Variants in PTPRD observed in about 807,000 individuals in gnomAD.
PTPRD encodes the protein receptor-type tyrosine-protein phosphatase delta.
A neutral mutation model predicts 214.5 loss-of-function variants in PTPRD; 34 were observed. That is an observed-to-expected ratio of 0.16 (90% CI 0.12 to 0.21). PTPRD has a LOEUF of 0.21. PTPRD is among the 10% of genes least tolerant of loss of function. The pLI, the probability that PTPRD is intolerant of heterozygous loss-of-function variation, is 1.00. For synonymous variants in PTPRD, 1,128 were observed against 845.7 expected (o/e 1.33, Z -5.79); for missense variants, 2,545 against 2,398.7 (o/e 1.06, Z -1.27).
At chr9:9,206,006 T>G (rs12685122) in intron 9 of PTPRD, among the ~76,000 whole-genome samples, 29,707 of 152,144 alleles carry the variant, frequency 0.2, 2,977 homozygotes, top group East Asian at 0.34. Context: ...AAGGCTTAAG[T>G]GACATAATTG....
chr9:10,150,977 C>T (rs2099056684), intron 3 of PTPRD, among the ~76,000 whole-genome samples: 1 of 151,544 alleles, frequency 6.6e-6, no homozygotes, highest in South Asian at 2.1e-4. Flanking sequence ...ATCAATACTG[C>T]ATTGTATGAG....
At chr9:9,542,621 AAACACAAATGACCCAATTAAATCT>A (rs2077864025) in intron 8 of PTPRD, among the ~76,000 whole-genome samples, 1 of 151,760 alleles carries the variant, frequency 6.6e-6, no homozygotes, top group Admixed American at 6.6e-5. Flanking sequence ...TCAATAATAT[AAACACAAATGACCCAATTAAATCT>A]GAGAGAAAAA....
At chr9:10,038,271 A>G (rs892163488) in intron 3 of PTPRD, among the ~76,000 whole-genome samples, 1 of 152,086 alleles carries the variant, frequency 6.6e-6, no homozygotes, top group African/African-American at 2.4e-5. Flanking sequence ...ATTCTACAAC[A>G]TCTCTCATGA....
At chr9:10,302,088 C>T (rs1265281187) in intron 3 of PTPRD, among the ~76,000 whole-genome samples, 1 of 152,196 alleles carries the variant, frequency 6.6e-6, no homozygotes, top group Non-Finnish European at 1.5e-5. Flanking sequence ...AGAAACCCTA[C>T]AAGCCAGAAG....
At chr9:9,040,529 A>T (rs1197077041) in intron 10 of PTPRD, among the ~76,000 whole-genome samples, 1 of 152,202 alleles carries the variant, frequency 6.6e-6, no homozygotes, top group Non-Finnish European at 1.5e-5. Flanking sequence ...TCTTGCATAG[A>T]GAAATTGGTG....
At chr9:9,833,744 C>G (rs2055809326) in intron 5 of PTPRD, among the ~76,000 whole-genome samples, 1 of 151,078 alleles carries the variant, frequency 6.6e-6, no homozygotes, top group Non-Finnish European at 1.5e-5. Flanking sequence ...ACGTTCCATG[C>G]TGAGAAAAAG....
intron 11 of PTPRD, among the ~76,000 whole-genome samples, chr9:8,805,691 C>A (rs1415669470): frequency 1.3e-5 from 2 of 151,326 alleles, no homozygotes; most frequent in African/African-American, 4.8e-5. Flanking sequence ...CAACCTCCAC[C>A]CCCTGGGTTC....
At chr9:10,429,667 T>C (rs974759826) in intron 2 of PTPRD, among the ~76,000 whole-genome samples, 2 of 150,966 alleles carry the variant, frequency 1.3e-5, no homozygotes, top group Admixed American at 1.3e-4. Context: ...TATATAGATA[T>C]ATATTCTATA....
intron 4 of PTPRD, among the ~76,000 whole-genome samples, chr9:9,959,530 A>G (rs966107034): frequency 2.0e-5 from 3 of 152,196 alleles, no homozygotes; most frequent in African/African-American, 7.2e-5. Context: ...GATCCTAGAA[A>G]AACTTCCTAT....
intron 38 of PTPRD, 146 bp from the exon 39 acceptor site, chr9:8,376,236 A>C: frequency 1.0e-6 from 1 of 958,068 alleles, no homozygotes; most frequent in Non-Finnish European, 1.5e-6. Context: ...CTCTTTGGAA[A>C]TAGAAACCCC....
At chr9:9,465,317 C>T (rs540752800) in intron 8 of PTPRD, among the ~76,000 whole-genome samples, 2 of 152,254 alleles carry the variant, frequency 1.3e-5, no homozygotes, top group African/African-American at 4.8e-5. Context: ...ATAACAAATA[C>T]TTTATCCTTA....
At chr9:8,600,196 T>G (rs993489948) in intron 14 of PTPRD, among the ~76,000 whole-genome samples, 1 of 152,096 alleles carries the variant, frequency 6.6e-6, no homozygotes, top group African/African-American at 2.4e-5. Context: ...CACCTGCCCA[T>G]GGAGGGGGCA....
chr9:10,010,518 G>A (rs1464774660), intron 4 of PTPRD, among the ~76,000 whole-genome samples: 1 of 151,768 alleles, frequency 6.6e-6, no homozygotes, highest in Non-Finnish European at 1.5e-5. Flanking sequence ...AGGTATTGAT[G>A]AGTTCCATAG....
intron 7 of PTPRD, among the ~76,000 whole-genome samples, chr9:9,667,170 C>A (rs1490389365): frequency 6.6e-6 from 1 of 152,028 alleles, no homozygotes; most frequent in Admixed American, 6.6e-5. Flanking sequence ...CTGTGACCCC[C>A]AACCCAACCA....
intron 8 of PTPRD, among the ~76,000 whole-genome samples, chr9:9,496,708 T>A (rs2096207911): frequency 6.6e-6 from 1 of 152,090 alleles, no homozygotes; most frequent in African/African-American, 2.4e-5. Context: ...TTAAAAAAAT[T>A]AAAAATAGAA....
intron 35 of PTPRD, among the ~76,000 whole-genome samples, chr9:8,427,068 T>C (rs966643184): frequency 6.6e-6 from 1 of 152,100 alleles, no homozygotes; most frequent in African/African-American, 2.4e-5. Context: ...ACTTTTTCAT[T>C]TTACTTGGTG....
intron 11 of PTPRD, among the ~76,000 whole-genome samples, chr9:8,832,093 T>C (rs1036906724): frequency 8.5e-5 from 11 of 128,878 alleles, no homozygotes; most frequent in African/African-American, 3.2e-4. Context: ...GATTTAAATA[T>C]GTATGTGTAT....
At chr9:10,462,096 G>T (rs2098963104) in intron 2 of PTPRD, among the ~76,000 whole-genome samples, 1 of 152,076 alleles carries the variant, frequency 6.6e-6, no homozygotes, top group Admixed American at 6.6e-5. Flanking sequence ...TGTAAACTAT[G>T]AGGAATGATA....
intron 7 of PTPRD, among the ~76,000 whole-genome samples, chr9:9,644,765 C>A (rs1449424614): frequency 1.3e-5 from 2 of 152,144 alleles, no homozygotes; most frequent in Admixed American, 6.5e-5. Flanking sequence ...ATAAAAACCA[C>A]AAACCCCACT....
Sources: gnomAD v4.1 joint callset for allele counts (sites outside exome capture counted in the v4.1 genomes callset) on GRCh38, gnomAD v4.1.1 for gene constraint, MANE v1.5 for transcripts, NCBI Gene and HGNC (gene_info 2026-07-23, HGNC 2026-07-21) for gene names.